Variants in EPHA5 observed in about 807,000 individuals in gnomAD.
EPHA5 encodes the protein ephrin type-A receptor 5.
A neutral mutation model predicts 105.0 loss-of-function variants in EPHA5; 60 were observed. The observed-to-expected ratio is 0.57, with a 90% CI of 0.46 to 0.71. EPHA5 has a LOEUF of 0.71. Ranked by LOEUF, EPHA5 falls within the 30% of genes least tolerant of loss-of-function variation. EPHA5 has a pLI of 0.00. For synonymous variants in EPHA5, 513 were observed against 449.1 expected, an observed-to-expected ratio of 1.14 and a Z score of -1.80; for missense variants, 1,218 against 1,274.7, an observed-to-expected ratio of 0.96 and a Z score of 0.68.
At chr4:65,586,132 G>A (rs865836342) in intron 3 of EPHA5, among the ~76,000 whole-genome samples, 6 of 151,606 alleles carry the variant, frequency 4.0e-5, no homozygotes, top group African/African-American at 7.2e-5. Flanking sequence ...TAAGTAATGA[G>A]AAAGTATCAA....
chr4:65,542,162 T>A (rs1736904942), intron 3 of EPHA5, among the ~76,000 whole-genome samples: 1 of 151,676 alleles, frequency 6.6e-6, no homozygotes, highest in African/African-American at 2.4e-5. Context: ...CACTCTAACA[T>A]AACAATGAAA....
At chr4:65,451,063 T>C (rs6825709) in intron 5 of EPHA5, among the ~76,000 whole-genome samples, 149,813 of 152,240 alleles carry the variant, frequency 0.98, 73,766 homozygotes, top group East Asian at 1. Flanking sequence ...ACTTCAAAGA[T>C]TTACAAGCAC....
In EPHA5 at chr4:65,490,641, G is replaced by A. The variant is rs199650353; in HGVS notation, c.1138C>T (p.Pro380Ser). The change falls in exon 5 of 17, where the codon CCT (proline) becomes TCT (serine). Residue 380 changes from proline (P) to serine (S), a missense_variant. Physicochemically the swap from Pro to Ser is moderately conservative, Grantham distance 74. This residue lies in a region of EPHA5 where 971 missense variants were observed against 1,013.5 expected (regional missense o/e 0.96). Transcript: ENST00000613740. ...TCTTTCCTTCCACCAGTGTCAGCAG[G>A]CGGAATCCATTCCAGAAAGACACTA... ...ETSVFLEWIP[P>S]ADTGGRKDVS... 6 of 1,614,118 alleles carry A rather than the reference G, an allele frequency of 3.7e-6. No individual in the cohort carries two copies. Among genetic ancestry groups the A allele is most frequent in the South Asian group, 2.2e-5 (2 of 91,078 alleles).
intron 7 of EPHA5, among the ~76,000 whole-genome samples, chr4:65,406,373 T>C (rs1455955194): frequency 1.3e-5 from 2 of 152,158 alleles, no homozygotes; most frequent in Non-Finnish European, 2.9e-5. Context: ...TCCACCATTG[T>C]AAGGCGTTTG....
chr4:65,616,528 T>A (rs1437807018), intron 2 of EPHA5, among the ~76,000 whole-genome samples: 1 of 150,926 alleles, frequency 6.6e-6, no homozygotes, highest in Non-Finnish European at 1.5e-5. Flanking sequence ...TCAGGAGAAG[T>A]TGTTACATAA....
chr4:65,380,410 G>A (rs911431084), intron 8 of EPHA5, among the ~76,000 whole-genome samples: 1 of 151,686 alleles, frequency 6.6e-6, no homozygotes, highest in Non-Finnish European at 1.5e-5. Context: ...ATCAATATAG[G>A]TATGAAGTGT....
At chr4:65,538,184 G>C (rs1198018791) in intron 3 of EPHA5, among the ~76,000 whole-genome samples, 1 of 151,730 alleles carries the variant, frequency 6.6e-6, no homozygotes, top group Non-Finnish European at 1.5e-5. Context: ...GGGAGGTCTA[G>C]GGTACGGAGA....
intron 3 of EPHA5, among the ~76,000 whole-genome samples, chr4:65,586,093 T>C (rs1742096612): frequency 6.6e-6 from 1 of 151,626 alleles, no homozygotes; most frequent in Non-Finnish European, 1.5e-5. Flanking sequence ...CAGTCAAATT[T>C]TCCTTAATTA....
intron 5 of EPHA5, among the ~76,000 whole-genome samples, chr4:65,485,356 T>A (rs1018367219): frequency 5.9e-5 from 9 of 152,212 alleles, no homozygotes; most frequent in Admixed American, 3.9e-4. Context: ...CATTTGCTTA[T>A]TTTTCTTGAC....
At chr4:65,423,512 G>T (rs1724130831) in intron 5 of EPHA5, among the ~76,000 whole-genome samples, 1 of 151,870 alleles carries the variant, frequency 6.6e-6, no homozygotes, top group African/African-American at 2.4e-5. Flanking sequence ...TTAAATTTAT[G>T]TAATTATTTA....
intron 2 of EPHA5, among the ~76,000 whole-genome samples, chr4:65,635,970 T>A (rs1231903677): frequency 6.6e-6 from 1 of 152,160 alleles, no homozygotes; most frequent in African/African-American, 2.4e-5. Context: ...TTGGGTTTAC[T>A]ATTATTCCGC....
rs780756647 is a variant in EPHA5 at position 65,490,540 on chromosome 4, C to T, written c.1239G>A (p.Arg413=). The T allele has an allele frequency of 1.9e-6, 3 of 1,614,066 alleles. No homozygotes were observed. The highest frequency in any genetic ancestry group is 1.6e-4 in the Middle Eastern group (1 of 6,062). Residue 413 remains arginine, a synonymous_variant, in exon 5 of 17, where the codon AGG becomes AGA. Coordinates refer to ENST00000613740, the MANE Select transcript of EPHA5 (RefSeq NM_001281766.3). The part of the protein sequence containing the change: ...GVCEECGGHV[R]YLPRQSGLKN... ...TCAGGCCGCTTTGCCGGGGAAGGTA[C>T]CTGACATGACCGCCACACTCCTCAC...
rs186467240 is a variant in EPHA5 at position 65,667,779 on chromosome 4, T to C, written c.181+1783A>G. On this transcript the variant is annotated intron_variant, in intron 1 of 16. Transcript: ENST00000613740. ...CGACTCCCTTTCATCTCCACCTAAGTTCTCCCCTTCCATCACACCTGGAGA... is the reference window on the plus strand; with the variant it reads ...CGACTCCCTTTCATCTCCACCTAAGCTCTCCCCTTCCATCACACCTGGAGA... Among the ~76,000 whole-genome samples, 503 of 152,280 alleles carry C rather than the reference T, an allele frequency of 3.3e-3. 3 individuals carry two copies. Among genetic ancestry groups the C allele is most frequent in the Admixed American group, 4.1e-3 (63 of 15,290 alleles).
chr4:65,522,725 T>C (rs1350151883), intron 3 of EPHA5, among the ~76,000 whole-genome samples: 1 of 152,016 alleles, frequency 6.6e-6, no homozygotes, highest in Non-Finnish European at 1.5e-5. Context: ...GCTGTTCATA[T>C]CACCCCATCG....
intron 8 of EPHA5, chr4:65,376,900 CT>C (rs1719063485): frequency 9.1e-7 from 1 of 1,099,196 alleles, no homozygotes; most frequent in African/African-American, 1.6e-5. Flanking sequence ...CAGTTTTATT[CT>C]ACTCAAATGT....
At chr4:65,357,168 T>C (rs1414055156) in intron 11 of EPHA5, among the ~76,000 whole-genome samples, 2 of 151,476 alleles carry the variant, frequency 1.3e-5, no homozygotes, top group African/African-American at 4.8e-5. Flanking sequence ...ATCTACTCTT[T>C]ATAAGGCAAT....
rs780941416 is a variant in EPHA5, at chr4:65,602,096, T to C, written c.455A>G (p.Asn152Ser). Reference sequence around the variant, plus strand: ...ATCATCTGACTCAAAGTAATACATATTAAAGGTTTCCTTACAGGTCCCCAG... The same window carrying C: ...ATCATCTGACTCAAAGTAATACATACTAAAGGTTTCCTTACAGGTCCCCAG... The part of the protein sequence containing the change: ...GGLGTCKETF[N>S]MYYFESDDQN... The change falls in exon 3 of 17, where the codon AAT becomes AGT. Residue 152 changes from asparagine to serine, a missense_variant. Asn to Ser is a conservative substitution (Grantham distance 46). Around this residue, in one of 3 missense-constraint regions of EPHA5, gnomAD observed 233 missense variants for 227.5 expected, o/e 1.02. Transcript: ENST00000613740. 1.2e-6 allele frequency: 2 copies of C among 1,614,114 alleles called. No homozygotes were observed. The highest frequency in any genetic ancestry group is 2.2e-5 in the East Asian group (1 of 44,868).
At chr4:65,552,615 G>A (rs555762268) in intron 3 of EPHA5, among the ~76,000 whole-genome samples, 19 of 152,206 alleles carry the variant, frequency 1.2e-4, no homozygotes, top group South Asian at 8.3e-4. Flanking sequence ...TCACATAAAG[G>A]TAATTAGTCA....
intron 5 of EPHA5, among the ~76,000 whole-genome samples, chr4:65,444,072 G>C (rs71612720): frequency 2.6e-5 from 4 of 152,188 alleles, no homozygotes; most frequent in Admixed American, 1.3e-4. Context: ...TAGTGGACCT[G>C]TGTACTTATA....
Sources: gnomAD v4.1 joint callset for allele counts (sites outside exome capture counted in the v4.1 genomes callset) on GRCh38, gnomAD v4.1.1 for gene constraint, gnomAD v4.1.1 regional missense constraint, MANE v1.5 for transcripts, NCBI Gene and HGNC (gene_info 2026-07-23, HGNC 2026-07-21) for gene names.